The following ADCY9 variants were observed in gnomAD, a reference collection of about 807,000 sequenced individuals.
The protein encoded by ADCY9 is adenylate cyclase 9, also known as adenylate cyclase type 9.
In ADCY9, 50 loss-of-function variants were observed where a neutral mutation model predicts 101.5. That is an observed-to-expected ratio of 0.49 (90% CI 0.39 to 0.62). The LOEUF is 0.62. ADCY9 is among the 20% of genes least tolerant of loss of function. The pLI, the probability that ADCY9 is intolerant of heterozygous loss-of-function variation, is 0.00. For synonymous variants in ADCY9, 905 were observed against 769.3 expected, an observed-to-expected ratio of 1.18 and a Z score of -2.92; for missense variants, 1,662 against 1,800.4, an observed-to-expected ratio of 0.92 and a Z score of 1.39.
chr16:4,043,059 A>C (rs1344610914), intron 2 of ADCY9, among the ~76,000 whole-genome samples: 1 of 151,872 alleles, frequency 6.6e-6, no homozygotes, highest in Non-Finnish European at 1.5e-5. Flanking sequence ...CTGAAACCTC[A>C]TCTCTACTAA....
intron 2 of ADCY9, among the ~76,000 whole-genome samples, chr16:4,041,849 C>T (rs1023493288): frequency 3.3e-5 from 5 of 149,872 alleles, no homozygotes; most frequent in African/African-American, 9.8e-5. Context: ...TCACCTGGGC[C>T]CAAGCCATCT....
intron 6 of ADCY9, among the ~76,000 whole-genome samples, chr16:3,988,540 AGGGCAGGTGGGGAG>A (rs1181745147): frequency 1.8e-4 from 8 of 44,162 alleles, no homozygotes; most frequent in Non-Finnish European, 3.4e-4. Context: ...GTTCCTTTCC[AGGGCAGGTGGGGAG>A]GGGTTCCTTT....
At chr16:4,083,388 G>C (rs1427420588) in intron 2 of ADCY9, among the ~76,000 whole-genome samples, 4 of 152,066 alleles carry the variant, frequency 2.6e-5, no homozygotes. Flanking sequence ...GGGGAAATCA[G>C]GGCCCGCACA....
At position 3,992,448 on chromosome 16, in the gene ADCY9, C is replaced by T. The variant is rs2239307; in HGVS notation, c.1990-85G>A. Reference sequence around the variant, plus strand: ...CACACGCCTGTCCCACCCCGACCTCCGCTGCGGGGCGCTGCTGCACTGGGC... The same window carrying T: ...CACACGCCTGTCCCACCCCGACCTCTGCTGCGGGGCGCTGCTGCACTGGGC... On this transcript the variant is annotated intron_variant, in intron 4 of 10. Transcript: ENST00000294016. The surrounding 1 kb of genome is among the most constrained non-coding windows in gnomAD (Gnocchi z 4.2). 0.74 allele frequency: 931,781 copies of T among 1,252,392 alleles called. 353,961 individuals are homozygous for T. Among genetic ancestry groups the T allele is most frequent in the Non-Finnish European group, 0.79 (703,283 of 891,624 alleles). 77.6% of individuals were successfully genotyped at this position (1,252,392 alleles called of 1,614,324 possible).
At chr16:4,042,310 T>C (rs2056633042) in intron 2 of ADCY9, among the ~76,000 whole-genome samples, 1 of 152,124 alleles carries the variant, frequency 6.6e-6, no homozygotes, top group South Asian at 2.1e-4. Flanking sequence ...TAAGCAATTC[T>C]CCCGCTTGGC....
At chr16:4,083,668 T>G (rs1489684124) in intron 2 of ADCY9, among the ~76,000 whole-genome samples, 1 of 152,246 alleles carries the variant, frequency 6.6e-6, no homozygotes, top group African/African-American at 2.4e-5. Flanking sequence ...GGAATATTAT[T>G]CAGCCATGAA....
chr16:4,009,008 A>G (rs2056385782), intron 2 of ADCY9, among the ~76,000 whole-genome samples: 1 of 152,146 alleles, frequency 6.6e-6, no homozygotes. Flanking sequence ...AATTAATCAG[A>G]AACCTAGGGA....
In ADCY9 at chr16:3,989,069, C is replaced by A. The variant is rs754934016; in HGVS notation, c.2235G>T (p.Pro745=). The part of the protein sequence containing the change: ...DSLMKDYFFK[P]PINQFSLNFL... Reference sequence around the variant, plus strand: ...AGTTCAGGCTGAACTGATTAATGGGCGGCTTAAAAAAGTAATCTTTCATCA... The same window carrying A: ...AGTTCAGGCTGAACTGATTAATGGGAGGCTTAAAAAAGTAATCTTTCATCA... Residue 745 remains proline, a synonymous_variant, in exon 6 of 11, where the codon CCG becomes CCT. Coordinates refer to ENST00000294016, the MANE Select transcript of ADCY9 (RefSeq NM_001116.4). 16 of 1,613,844 alleles carry A rather than the reference C, an allele frequency of 9.9e-6. No homozygotes were observed. The highest frequency in any genetic ancestry group is 2.7e-5 in the African/African-American group (2 of 74,884).
chr16:3,958,775 G>T (rs61512901), downstream of ADCY9, among the ~76,000 whole-genome samples: 1 of 141,422 alleles, frequency 7.1e-6, no homozygotes, highest in South Asian at 2.4e-4. Flanking sequence ...GGGTTCAAGC[G>T]ATTCTCGTGC....
chr16:4,023,586 G>A (rs1360608693), intron 2 of ADCY9, among the ~76,000 whole-genome samples: 1 of 152,186 alleles, frequency 6.6e-6, no homozygotes, highest in Non-Finnish European at 1.5e-5. Context: ...AGAGGAGGCT[G>A]GGGAGGTGGG....
At chr16:4,035,374 C>A (rs887219588) in intron 2 of ADCY9, among the ~76,000 whole-genome samples, 1 of 152,116 alleles carries the variant, frequency 6.6e-6, no homozygotes, top group Non-Finnish European at 1.5e-5. Context: ...ATATATAATA[C>A]ACAATGATAT....
intron 2 of ADCY9, among the ~76,000 whole-genome samples, chr16:4,024,878 C>T (rs1431259064): frequency 2.0e-5 from 3 of 152,094 alleles, no homozygotes; most frequent in Admixed American, 6.5e-5. Flanking sequence ...GCTGGTGACA[C>T]GCTCAAGCGA....
At chr16:4,045,865 CTTTCTTTTTTT>C (rs1459824836) in intron 2 of ADCY9, among the ~76,000 whole-genome samples, 68 of 111,374 alleles carry the variant, frequency 6.1e-4, no homozygotes, top group African/African-American at 2.1e-3. Context: ...TGCTTTTTTT[CTTTCTTTTTTT>C]TTTTTTTTTT....
intron 2 of ADCY9, among the ~76,000 whole-genome samples, chr16:4,071,774 G>A (rs1212833595): frequency 2.7e-5 from 4 of 149,218 alleles, no homozygotes; most frequent in Admixed American, 1.3e-4. Context: ...AACAGAATAC[G>A]TTCTTTTTTC....
At position 3,965,792 on chromosome 16, in the gene ADCY9, C is replaced by G. The variant is rs141625716; in HGVS notation, c.4045G>C (p.Val1349Leu). 2 of 1,612,894 alleles carry G rather than the reference C, an allele frequency of 1.2e-6. No homozygotes were observed. The highest frequency in any genetic ancestry group is 1.7e-6 in the Non-Finnish European group (2 of 1,179,512). The part of the protein sequence containing the change: ...EEANELTKLN[V>L]SKSV ...GCGCCGCCTCACACACTCTTTGAAACGTTGAGCTTGGTGAGTTCGTTGGCT... is the reference window on the plus strand; with the variant it reads ...GCGCCGCCTCACACACTCTTTGAAAGGTTGAGCTTGGTGAGTTCGTTGGCT... The change falls in exon 11 of 11, where the codon GTT (valine) becomes CTT (leucine). Residue 1349 changes from valine (V) to leucine (L), a missense_variant. Physicochemically the swap from Val to Leu is conservative, Grantham distance 32 (BLOSUM62 1). This residue lies in a region of ADCY9 where 168 missense variants were observed against 155.3 expected (regional missense o/e 1.08). Transcript: ENST00000294016.
intron 5 of ADCY9, among the ~76,000 whole-genome samples, chr16:3,955,858 G>GT (rs2055903635): frequency 1.4e-5 from 2 of 139,968 alleles, no homozygotes; most frequent in Admixed American, 7.1e-5. Flanking sequence ...CAAAATTTAG[G>GT]TTTTTTTAAA....
chr16:3,990,300 T>A (rs1328697365), intron 5 of ADCY9, among the ~76,000 whole-genome samples: 1 of 151,842 alleles, frequency 6.6e-6, no homozygotes. Context: ...CCCCCGTTTC[T>A]ACAAAAAATA....
rs113042241 is a variant in ADCY9, at chr16:4,112,805, G to C, written c.1693+945C>G. Among the ~76,000 whole-genome samples the C allele has an allele frequency of 8.5e-5, 13 of 152,232 alleles. 1 individual carries two copies. The highest frequency in any genetic ancestry group is 2.6e-4 in the African/African-American group (11 of 41,548). On this transcript the variant is annotated intron_variant, in intron 2 of 10. Coordinates refer to ENST00000294016, the MANE Select transcript of ADCY9 (RefSeq NM_001116.4). ...AAGATTTTAGTAAAACATAAGGACT[G>C]TTTAAAAAGGAGGAAGTGGGGGAAG...
chr16:4,057,035 A>AC (rs1326474279), intron 2 of ADCY9, among the ~76,000 whole-genome samples: 97 of 78,936 alleles, frequency 1.2e-3, no homozygotes, highest in South Asian at 1.9e-3. Context: ...TACTGATGAA[A>AC]CCGCCCCCCC....
Sources: gnomAD v4.1 joint callset for allele counts (sites outside exome capture counted in the v4.1 genomes callset) on GRCh38, gnomAD v4.1.1 for gene constraint, gnomAD v4.1.1 regional missense constraint, Gnocchi (gnomAD v3.1) non-coding constraint, MANE v1.5 for transcripts, NCBI Gene and HGNC (gene_info 2026-07-23, HGNC 2026-07-21) for gene names.